FGF14: variants seen among roughly 807,000 people sequenced by gnomAD.
The protein encoded by FGF14 is fibroblast growth factor 14.
In FGF14, 5 loss-of-function variants were observed where a neutral mutation model predicts 25.5. That is an observed-to-expected ratio of 0.20 (90% CI 0.10 to 0.41). The LOEUF (loss-of-function observed/expected upper bound fraction) is 0.41, where lower values mean the gene tolerates loss of function less well. Ranked by LOEUF, FGF14 falls within the 10% of genes least tolerant of loss-of-function variation. The probability of loss-of-function intolerance (pLI) is 1.00; values close to 1 mark genes in which losing one functional copy is unlikely to be tolerated. For synonymous variants in FGF14, 138 were observed against 118.3 expected, an observed-to-expected ratio of 1.17 and a Z score of -1.08; for missense variants, 222 against 320.1, an observed-to-expected ratio of 0.69 and a Z score of 2.34.
chr13:101,836,116 C>T (rs1178296637), intron 3 of FGF14, among the ~76,000 whole-genome samples: 1 of 152,010 alleles, frequency 6.6e-6, no homozygotes, highest in African/African-American at 2.4e-5. Context: ...GACAGTAAGT[C>T]AGAACATGAC....
chr13:102,103,422 G>A lies in FGF14; in HGVS notation c.209-228126C>T, dbSNP rs558438960. ...CAAGGCGATGGTACTCTGATACTCT[G>A]CTAGGATATAAATAAGATTTTGTTT... On this transcript the variant is annotated intron_variant, in intron 1 of 4. Coordinates refer to the FGF14 transcript ENST00000376131. Among the ~76,000 whole-genome samples, 4 of 151,744 alleles carry A rather than the reference G, an allele frequency of 2.6e-5. No individual in the cohort carries two copies. The South Asian group carries it at 8.3e-4, about 32-fold the overall frequency.
At chr13:102,243,891 T>C (rs2051729154) in intron 1 of FGF14, among the ~76,000 whole-genome samples, 1 of 152,122 alleles carries the variant, frequency 6.6e-6, no homozygotes, top group Non-Finnish European at 1.5e-5. Flanking sequence ...TTGGCAACTA[T>C]GTTGATGAGA....
At chr13:102,291,177 C>G (rs1048208740) in intron 1 of FGF14, among the ~76,000 whole-genome samples, 5 of 152,166 alleles carry the variant, frequency 3.3e-5, no homozygotes, top group Non-Finnish European at 7.3e-5. Context: ...ACTTTTCAGC[C>G]ACACGCTGTT....
In FGF14 at chr13:102,317,368, A is replaced by G. The variant is rs561289402; in HGVS notation, c.208+84103T>C. Among the ~76,000 whole-genome samples, 250 of 152,242 alleles carry G rather than the reference A, an allele frequency of 1.6e-3. 2 individuals are homozygous for G. The highest frequency in any genetic ancestry group is 5.5e-3 in the African/African-American group (230 of 41,550). ...TATAGTGGTAATAAGTATTAGAAAA[A>G]AAAAGATCCCCAAAAACAAGAGGAA... On this transcript the variant is annotated intron_variant, in intron 1 of 4. Coordinates refer to the FGF14 transcript ENST00000376131.
At chr13:101,766,966 TAATAGTCTTA>T (rs1566874929) in intron 3 of FGF14, among the ~76,000 whole-genome samples, 1 of 152,192 alleles carries the variant, frequency 6.6e-6, no homozygotes, top group Non-Finnish European at 1.5e-5. Flanking sequence ...GTATTATGCA[TAATAGTCTTA>T]AATAGTCTTA....
intron 1 of FGF14, among the ~76,000 whole-genome samples, chr13:102,242,290 A>G (rs2051641727): frequency 6.6e-6 from 1 of 152,120 alleles, no homozygotes; most frequent in Admixed American, 6.6e-5. Flanking sequence ...GACAGGCAGG[A>G]AGAGCCAAGC....
chr13:101,744,138 A>G (rs913026002), intron 3 of FGF14, among the ~76,000 whole-genome samples: 4 of 152,186 alleles, frequency 2.6e-5, no homozygotes, highest in Admixed American at 2.0e-4. Context: ...ATTAAAATGC[A>G]CACTAGGAAT....
chr13:101,937,916 C>A (rs1028058562), intron 1 of FGF14, among the ~76,000 whole-genome samples: 8 of 152,138 alleles, frequency 5.3e-5, no homozygotes, highest in African/African-American at 1.7e-4. Flanking sequence ...TTATTTAAGC[C>A]ACCCAGTCTG....
intron 3 of FGF14, among the ~76,000 whole-genome samples, chr13:101,844,446 CCGTTTATCATAATAA>C (rs1408176452): frequency 2.0e-5 from 3 of 151,940 alleles, no homozygotes; most frequent in African/African-American, 7.2e-5. Context: ...TATTTAAAGC[CCGTTTATCATAATAA>C]CCATATAATT....
intron 1 of FGF14, among the ~76,000 whole-genome samples, chr13:102,310,649 G>GTT (rs2055683056): frequency 1.2e-5 from 1 of 84,872 alleles, no homozygotes; most frequent in Non-Finnish European, 2.3e-5. Context: ...CTCTCTTCCC[G>GTT]TTTCTCTCTC....
Position 102,022,620 on chromosome 13 carries a change from A to G in FGF14, c.209-147324T>C, listed in dbSNP as rs1029354154. ...TGACACCGTCTCACATGGCCAATAC[A>G]TTTATTCAGTTTAATAGCCAATGAA... On this transcript the variant is annotated intron_variant, in intron 1 of 4. Transcript: ENST00000376131. Among the ~76,000 whole-genome samples the G allele has an allele frequency of 5.3e-5, 8 of 152,046 alleles. 1 individual carries two copies. Among genetic ancestry groups the G allele is most frequent in the African/African-American group, 7.2e-5 (3 of 41,426 alleles).
intron 1 of FGF14, among the ~76,000 whole-genome samples, chr13:102,134,259 G>A (rs550196632): frequency 1.1e-4 from 17 of 152,214 alleles, no homozygotes; most frequent in African/African-American, 4.1e-4. Context: ...TTTCAGTCCC[G>A]TCTTTCATGG....
At chr13:101,754,386 G>C (rs1428351473) in intron 3 of FGF14, among the ~76,000 whole-genome samples, 1 of 152,182 alleles carries the variant, frequency 6.6e-6, no homozygotes, top group African/African-American at 2.4e-5. Context: ...ATCTTTGTCA[G>C]TGTTTCTAAT....
intron 1 of FGF14, among the ~76,000 whole-genome samples, chr13:102,199,579 G>A (rs1272265790): frequency 6.6e-6 from 1 of 152,122 alleles, no homozygotes; most frequent in African/African-American, 2.4e-5. Flanking sequence ...TTTCCAAAGG[G>A]TCCGTCTATC....
intron 3 of FGF14, among the ~76,000 whole-genome samples, chr13:101,832,783 C>T (rs2042738512): frequency 6.6e-6 from 1 of 151,920 alleles, no homozygotes; most frequent in African/African-American, 2.4e-5. Context: ...GATAGAAAGA[C>T]ATAAGAATTC....
intron 1 of FGF14, among the ~76,000 whole-genome samples, chr13:102,240,399 C>G (rs986674186): frequency 6.6e-6 from 1 of 152,166 alleles, no homozygotes; most frequent in East Asian, 1.9e-4. Flanking sequence ...GCAAAGCATG[C>G]TTTCCTTGCC....
At chr13:101,907,862 G>T (rs2032435734) in intron 1 of FGF14, among the ~76,000 whole-genome samples, 1 of 152,070 alleles carries the variant, frequency 6.6e-6, no homozygotes, top group Admixed American at 6.6e-5. Flanking sequence ...AGGAGAGATG[G>T]TCTAATGCTA....
chr13:102,207,785 T>C (rs187214048), intron 1 of FGF14, among the ~76,000 whole-genome samples: 17 of 152,246 alleles, frequency 1.1e-4, no homozygotes, highest in African/African-American at 3.9e-4. Flanking sequence ...AAACATTGCA[T>C]TTTTCTAATT....
At chr13:102,068,428 G>A (rs2042995084) in intron 1 of FGF14, among the ~76,000 whole-genome samples, 1 of 152,260 alleles carries the variant, frequency 6.6e-6, no homozygotes, top group Non-Finnish European at 1.5e-5. Flanking sequence ...TTTCTGGGCT[G>A]GCCAAGGCCA....
Sources: allele counts gnomAD v4.1 joint callset (sites outside exome capture counted in the v4.1 genomes callset), GRCh38; gene constraint gnomAD v4.1.1; transcripts MANE v1.5; gene names NCBI Gene and HGNC (gene_info 2026-07-23, HGNC 2026-07-21).